IRGM: variants seen among roughly 807,000 people sequenced by gnomAD.
The protein encoded by IRGM is immunity related GTPase M.
For synonymous variants in IRGM, 98 were observed against 80.6 expected (o/e 1.22, Z -1.16); for missense variants, 288 against 219.9 (o/e 1.31, Z -1.96).
intron 3 of IRGM, among the ~76,000 whole-genome samples, chr5:150,887,059 C>G (rs1007388190): frequency 3.3e-5 from 5 of 151,962 alleles, no homozygotes; most frequent in Admixed American, 2.0e-4. Flanking sequence ...GAATTCCCCT[C>G]TTAACACTGC....
chr5:150,884,638 T>C lies in IRGM; in HGVS notation c.*140+4992T>C, dbSNP rs140051745. On this transcript the variant is annotated intron_variant and NMD_transcript_variant, in intron 3 of 3. Coordinates refer to the IRGM transcript ENST00000520549. ...TTAACTGGTATGAGATGTTATCTCA[T>C]TGTGGTTTTGATTTACACTTCTCTA... is the stretch of plus-strand genomic sequence containing the variant. Among the ~76,000 whole-genome samples the C allele has an allele frequency of 4.4e-3, 677 of 152,314 alleles. 6 individuals are homozygous for C. Among genetic ancestry groups the C allele is most frequent in the African/African-American group, 0.015 (644 of 41,592 alleles).
chr5:150,875,623 C>G (rs10061105), intron 1 of IRGM, among the ~76,000 whole-genome samples: 30,885 of 152,010 alleles, frequency 0.2, 4,977 homozygotes, highest in East Asian at 0.43. Flanking sequence ...AGCCTCTATC[C>G]CCAGCCACCC....
intron 1 of IRGM, among the ~76,000 whole-genome samples, chr5:150,863,206 C>G (rs1014169462): frequency 5.9e-5 from 9 of 152,114 alleles, no homozygotes; most frequent in African/African-American, 2.2e-4. Flanking sequence ...TGGCGCAGAA[C>G]AGAGCACAGG....
chr5:150,887,524 A>G lies in IRGM; in HGVS notation c.*140+7878A>G, dbSNP rs551788376. On this transcript the variant is annotated intron_variant and NMD_transcript_variant, in intron 3 of 3. Coordinates refer to the IRGM transcript ENST00000520549. ...CTTGGAAAATGTATTTCAGGCTATC[A>G]TCCATGAAAACTTCCCCAACCTTGC... Among the ~76,000 whole-genome samples, 11 of 152,070 alleles carry G rather than the reference A, an allele frequency of 7.2e-5. No homozygotes were observed. The South Asian group carries it at 1.9e-3, about 26-fold the overall frequency.
chr5:150,862,113 T>C (rs28640251), intron 1 of IRGM, among the ~76,000 whole-genome samples: 5,107 of 152,328 alleles, frequency 0.034, 271 homozygotes, highest in African/African-American at 0.12. Flanking sequence ...ACTCACATTA[T>C]TGGCAGAATT....
rs1473059816 is a variant in IRGM, at chr5:150,848,235, A to G, written c.112A>G (p.Met38Val). ...IVSRTPVNITMAGDSGNGMST... is the reference protein window; with the variant it reads ...IVSRTPVNITVAGDSGNGMST... ...GTCCAGGACACCAGTTAACATCACT[A>G]TGGCAGGGGACTCTGGCAATGGGAT... Residue 38 changes from methionine (M) to valine (V), a missense_variant, in exon 2 of 2, where the codon ATG becomes GTG. Met to Val is a conservative substitution (Grantham distance 21). Transcript: ENST00000522154. 19 of 1,551,722 alleles carry G rather than the reference A, an allele frequency of 1.2e-5. No homozygotes were observed. Among genetic ancestry groups the G allele is most frequent in the Admixed American group, 7.8e-5 (4 of 50,986 alleles).
chr5:150,852,906 T>C (rs1035954316), downstream of IRGM, among the ~76,000 whole-genome samples: 11 of 152,156 alleles, frequency 7.2e-5, no homozygotes, highest in Non-Finnish European at 1.6e-4. Context: ...ATTGAGTTTC[T>C]TTACTGTATT....
chr5:150,879,770 A>T (rs1754418315), intron 3 of IRGM: 1 of 152,264 alleles, frequency 6.6e-6, no homozygotes, highest in Non-Finnish European at 1.5e-5. Flanking sequence ...GGGTAGGCCA[A>T]GGCATGAGAT....
Position 150,846,543 on chromosome 5 carries a change from C to T in IRGM, c.-1093C>T, listed in dbSNP as rs1040079000. On this transcript the variant is annotated 5_prime_UTR_variant, in exon 1 of 2. Coordinates refer to ENST00000522154, the MANE Select transcript of IRGM (RefSeq NM_001145805.2). ...AGTGGTAACCTGCTCAGGTCCCCTT[C>T]CATGCTGTGGAAGCTTTGTTTTTTT... 3 of 152,196 alleles carry T rather than the reference C, an allele frequency of 2.0e-5. No individual in the cohort carries two copies. The highest frequency in any genetic ancestry group is 4.8e-5 in the African/African-American group (2 of 41,426). 9.4% of individuals were successfully genotyped at this position (152,196 alleles called of 1,614,324 possible). A position where few individuals can be genotyped will look rare whatever the true frequency, so the allele number is the denominator to read the frequency against.
downstream of IRGM, among the ~76,000 whole-genome samples, chr5:150,852,088 C>G (rs1320926804): frequency 6.6e-6 from 1 of 152,098 alleles, no homozygotes; most frequent in Non-Finnish European, 1.5e-5. Flanking sequence ...TGCTGTTTCT[C>G]TGCTTGCTTT....
chr5:150,870,939 A>G (rs540872442), intron 1 of IRGM, among the ~76,000 whole-genome samples: 56 of 152,210 alleles, frequency 3.7e-4, no homozygotes, highest in Non-Finnish European at 5.9e-4. Flanking sequence ...AAAGCTCCAA[A>G]TTATGAGGAA....
At chr5:150,856,836 CTTTT>C (rs112223601) in intron 1 of IRGM, among the ~76,000 whole-genome samples, 2 of 148,028 alleles carry the variant, frequency 1.4e-5, no homozygotes, top group Admixed American at 6.7e-5. Context: ...CATCCATTTT[CTTTT>C]TTTATTTTAT....
intron 1 of IRGM, among the ~76,000 whole-genome samples, chr5:150,859,168 G>A (rs1754100584): frequency 6.6e-6 from 1 of 152,184 alleles, no homozygotes; most frequent in African/African-American, 2.4e-5. Flanking sequence ...GGCCTTTTCT[G>A]CATCTATTGA....
downstream of IRGM, among the ~76,000 whole-genome samples, chr5:150,901,731 A>T (rs570246419): frequency 6.6e-6 from 1 of 152,176 alleles, no homozygotes; most frequent in African/African-American, 2.4e-5. Context: ...CAATTCTCAC[A>T]ACAACCCTAT....
chr5:150,877,609 GTTATTA>G (rs1204797997), intron 1 of IRGM, among the ~76,000 whole-genome samples: 1 of 152,052 alleles, frequency 6.6e-6, no homozygotes, highest in Non-Finnish European at 1.5e-5. Flanking sequence ...TGTAGTAGGT[GTTATTA>G]TTATTCCCCT....
intron 3 of IRGM, among the ~76,000 whole-genome samples, chr5:150,889,332 C>G (rs1404235011): frequency 1.3e-5 from 2 of 151,934 alleles, no homozygotes; most frequent in African/African-American, 4.8e-5. Context: ...GAGAAGAGAA[C>G]TTGTGCAGGG....
chr5:150,892,418 ATTAT>A (rs1168208036), intron 3 of IRGM, among the ~76,000 whole-genome samples: 2 of 152,098 alleles, frequency 1.3e-5, no homozygotes, highest in Non-Finnish European at 2.9e-5. Flanking sequence ...ATCTCTCCAA[ATTAT>A]TTAGATATTT....
intron 3 of IRGM, chr5:150,895,920 G>A: frequency 1.2e-6 from 2 of 1,613,424 alleles, no homozygotes; most frequent in Non-Finnish European, 1.7e-6. Flanking sequence ...CTCACATTGA[G>A]CACATTTGTA....
At chr5:150,872,694 A>G (rs768350170) in intron 1 of IRGM, among the ~76,000 whole-genome samples, 2 of 152,162 alleles carry the variant, frequency 1.3e-5, no homozygotes, top group Non-Finnish European at 2.9e-5. Flanking sequence ...CAGGAAGTTA[A>G]AAAGGTTCTA....
Sources: allele counts gnomAD v4.1 joint callset (sites outside exome capture counted in the v4.1 genomes callset), GRCh38; gene constraint gnomAD v4.1.1; transcripts MANE v1.5; gene names NCBI Gene and HGNC (gene_info 2026-07-23, HGNC 2026-07-21).